GALNT18: variants seen among roughly 807,000 people sequenced by gnomAD.
GALNT18 encodes polypeptide N-acetylgalactosaminyltransferase 18.
A neutral mutation model predicts 69.5 loss-of-function variants in GALNT18; 44 were observed. The ratio of observed to expected loss-of-function variants is 0.63; its 90% CI spans 0.50 to 0.81. GALNT18 has a LOEUF of 0.81. Among genes scored for constraint, GALNT18 ranks in the 40% least tolerant of loss-of-function variants. The probability of loss-of-function intolerance (pLI) is 0.00; values close to 1 mark genes in which losing one functional copy is unlikely to be tolerated. For missense variants in GALNT18, 715 were observed against 810.0 expected (o/e 0.88, Z 1.42); for synonymous variants, 364 against 318.2 (o/e 1.14, Z -1.53).
At chr11:11,530,403 T>C (rs909216390) in intron 1 of GALNT18, among the ~76,000 whole-genome samples, 6 of 152,136 alleles carry the variant, frequency 3.9e-5, no homozygotes, top group Admixed American at 1.3e-4. Flanking sequence ...CAGCAGTCAT[T>C]AGGGCAACAT....
intron 1 of GALNT18, among the ~76,000 whole-genome samples, chr11:11,544,389 AC>A (rs1352765684): frequency 6.6e-6 from 1 of 152,226 alleles, no homozygotes; most frequent in Non-Finnish European, 1.5e-5. Flanking sequence ...TGTGCCAGTC[AC>A]TATGCTAAGC....
intron 2 of GALNT18, among the ~76,000 whole-genome samples, chr11:11,441,768 T>C (rs1855536588): frequency 6.6e-6 from 1 of 152,216 alleles, no homozygotes; most frequent in South Asian, 2.1e-4. Context: ...TACCTGCTCC[T>C]GCTGGAGCCA....
chr11:11,450,906 C>T (rs374714717), intron 1 of GALNT18, among the ~76,000 whole-genome samples: 7 of 152,260 alleles, frequency 4.6e-5, no homozygotes, highest in African/African-American at 1.4e-4. Context: ...TGGGAAGGCT[C>T]TCCCCAGGCA....
At chr11:11,368,869 T>G (rs191630695) in intron 6 of GALNT18, among the ~76,000 whole-genome samples, 1 of 152,258 alleles carries the variant, frequency 6.6e-6, no homozygotes. Flanking sequence ...CTCTTGTTGC[T>G]TTCTTTTTCC....
At chr11:11,273,238 A>C (rs1389730501) in intron 10 of GALNT18, among the ~76,000 whole-genome samples, 1 of 131,480 alleles carries the variant, frequency 7.6e-6, no homozygotes, top group Non-Finnish European at 1.8e-5. Flanking sequence ...TGCACAGCAA[A>C]GGAAACAATC....
At position 11,445,498 on chromosome 11, in the gene GALNT18, T is replaced by C. The variant is rs974571448; in HGVS notation, c.428+3246A>G. On this transcript the variant is annotated intron_variant, in intron 2 of 10. Transcript: ENST00000227756. ...AAGGATGAGCCAAGCAATGGCCTTGTTACAAGGCAGGGATGTTTTTATGGA... is the reference window on the plus strand; with the variant it reads ...AAGGATGAGCCAAGCAATGGCCTTGCTACAAGGCAGGGATGTTTTTATGGA... Among the ~76,000 whole-genome samples, 4 of 152,368 alleles carry C rather than the reference T, an allele frequency of 2.6e-5. No homozygotes were observed. In the East Asian group the frequency reaches 7.7e-4, roughly 29 times the overall value.
At chr11:11,498,403 A>G (rs915940241) in intron 1 of GALNT18, among the ~76,000 whole-genome samples, 1 of 152,236 alleles carries the variant, frequency 6.6e-6, no homozygotes, top group Non-Finnish European at 1.5e-5. Context: ...TCAAAGAAAT[A>G]CTATGGGTTC....
chr11:11,274,567 G>A (rs1848898012), intron 10 of GALNT18, among the ~76,000 whole-genome samples: 1 of 152,166 alleles, frequency 6.6e-6, no homozygotes, highest in African/African-American at 2.4e-5. Context: ...TTTTATTATT[G>A]TACTTTAAGT....
chr11:11,453,367 C>T (rs979159266), intron 1 of GALNT18, among the ~76,000 whole-genome samples: 3 of 152,170 alleles, frequency 2.0e-5, no homozygotes, highest in African/African-American at 4.8e-5. Context: ...CCAGCCACAC[C>T]GGCCACTCAT....
rs1054604658 is a variant in GALNT18 at position 11,480,232 on chromosome 11, CT to C, written c.236-31297del. ...AGAAGGGGTCAATCTTTCTTTATTT[CT>C]TTCTTTCTTCCTTCCTTCCTCTCTC... On this transcript the variant is annotated intron_variant, in intron 1 of 10. Transcript: ENST00000227756. The surrounding 1 kb of genome is among the most constrained non-coding windows in gnomAD (Gnocchi z 4.6). Among the ~76,000 whole-genome samples the C allele has an allele frequency of 6.6e-6, 1 of 152,044 alleles. No homozygotes were observed. The highest frequency in any genetic ancestry group is 1.5e-5 in the Non-Finnish European group (1 of 68,022).
At chr11:11,290,473 C>G (rs2133000781) in intron 10 of GALNT18, among the ~76,000 whole-genome samples, 1 of 152,312 alleles carries the variant, frequency 6.6e-6, no homozygotes, top group Non-Finnish European at 1.5e-5. Flanking sequence ...GCCTCCAGGC[C>G]TAGCCCAGTT....
At chr11:11,366,793 C>T (rs1225972029) in intron 6 of GALNT18, among the ~76,000 whole-genome samples, 1 of 152,126 alleles carries the variant, frequency 6.6e-6, no homozygotes, top group Non-Finnish European at 1.5e-5. Context: ...ACCTTCTTTG[C>T]TTCTTTCATC....
chr11:11,380,954 G>A (rs182376171), intron 3 of GALNT18, among the ~76,000 whole-genome samples: 2 of 152,324 alleles, frequency 1.3e-5, no homozygotes, highest in Admixed American at 6.5e-5. Flanking sequence ...GCTAGGGCTG[G>A]TGGGGGCTGT....
chr11:11,457,951 G>C (rs1564959542), intron 1 of GALNT18, among the ~76,000 whole-genome samples: 2 of 152,218 alleles, frequency 1.3e-5, no homozygotes, highest in Admixed American at 6.5e-5. Context: ...CCAGTGAGAG[G>C]AGGCAGGAGA....
intron 3 of GALNT18, among the ~76,000 whole-genome samples, chr11:11,419,076 T>A (rs978469027): frequency 3.0e-4 from 46 of 152,118 alleles, no homozygotes; most frequent in African/African-American, 1.1e-3. Context: ...GCACCGGCGA[T>A]GGAAAACACA....
In GALNT18 at chr11:11,605,607, G is replaced by T. The variant is rs563120015; in HGVS notation, c.235+15752C>A. 6.6e-6 allele frequency among the ~76,000 whole-genome samples: 1 copy of T among 152,298 alleles called. No homozygotes were observed. The highest frequency in any genetic ancestry group is 2.4e-5 in the African/African-American group (1 of 41,572). On this transcript the variant is annotated intron_variant, in intron 1 of 10. Transcript: ENST00000227756. The surrounding 1 kb of genome is among the most constrained non-coding windows in gnomAD (Gnocchi z 4.7). ...GCACTCTGTTTCCTTTCTTGAAAAT[G>T]AAGCTATGCTTTCTCCTTTCTAGTG...
Position 11,538,262 on chromosome 11 carries a change from C to T in GALNT18, c.235+83097G>A, listed in dbSNP as rs542329541. ...CTCAAGGTCAGTGTTGCGAACAGCC[C>T]GCCCTGCCACCACCATCCCCAGGGC... On this transcript the variant is annotated intron_variant, in intron 1 of 10. Coordinates refer to ENST00000227756, the MANE Select transcript of GALNT18 (RefSeq NM_198516.3). This position sits in a 1 kb window ranked among gnomAD's most constrained non-coding sequence, Gnocchi z 5.2. Among the ~76,000 whole-genome samples the T allele has an allele frequency of 2.0e-5, 3 of 152,168 alleles. No individual in the cohort carries two copies. Among genetic ancestry groups the T allele is most frequent in the Non-Finnish European group, 4.4e-5 (3 of 68,032 alleles).
rs983936076 is a variant in GALNT18, at chr11:11,494,990, G to C, written c.236-46054C>G. ...GTAGAAGCCCAGCATGAATCTTCAA[G>C]AGCATCCTGGTTTTGCCTAGGGAAG... On this transcript the variant is annotated intron_variant, in intron 1 of 10. Transcript: ENST00000227756. The surrounding 1 kb of genome is among the most constrained non-coding windows in gnomAD (Gnocchi z 5.7). Among the ~76,000 whole-genome samples the C allele has an allele frequency of 6.6e-6, 1 of 151,542 alleles. No individual in the cohort carries two copies. The highest frequency in any genetic ancestry group is 1.5e-5 in the Non-Finnish European group (1 of 67,986).
chr11:11,511,396 GAAGCAT>G lies in GALNT18; in HGVS notation c.236-62466_236-62461del, dbSNP rs1857162139. 6.6e-6 allele frequency among the ~76,000 whole-genome samples: 1 copy of G among 152,170 alleles called. No homozygotes were observed. The highest frequency in any genetic ancestry group is 2.4e-5 in the African/African-American group (1 of 41,446). On this transcript the variant is annotated intron_variant, in intron 1 of 10. Coordinates refer to ENST00000227756, the MANE Select transcript of GALNT18 (RefSeq NM_198516.3). The surrounding 1 kb of genome is among the most constrained non-coding windows in gnomAD (Gnocchi z 4.9). ...TTGCTGTGTCCCCGCAGCCAAGGCT[GAAGCAT>G]GACCTAGCCAGTCCCCTACAGCTAA... is the stretch of plus-strand genomic sequence containing the variant.
Sources: allele counts gnomAD v4.1 joint callset (sites outside exome capture counted in the v4.1 genomes callset), GRCh38; gene constraint gnomAD v4.1.1; non-coding constraint Gnocchi (gnomAD v3.1); transcripts MANE v1.5; gene names NCBI Gene and HGNC (gene_info 2026-07-23, HGNC 2026-07-21).